MYO18B: variants seen among roughly 807,000 people sequenced by gnomAD.
The protein encoded by MYO18B is unconventional myosin-XVIIIb.
A neutral mutation model predicts 273.0 loss-of-function variants in MYO18B; 204 were observed. The ratio of observed to expected loss-of-function variants is 0.75; its 90% CI spans 0.67 to 0.84. The LOEUF (loss-of-function observed/expected upper bound fraction) is 0.84. Among genes scored for constraint, MYO18B ranks in the 40% least tolerant of loss-of-function variants. The pLI is 0.00. For missense variants in MYO18B, 3,212 were observed against 3,287.6 expected (o/e 0.98, Z 0.56); for synonymous variants, 1,330 against 1,305.7 (o/e 1.02, Z -0.40).
Position 25,930,678 on chromosome 22 carries a change from C to T in MYO18B, c.5517+9269C>T, listed in dbSNP as rs114699412. Among the ~76,000 whole-genome samples, 1,058 of 151,972 alleles carry T rather than the reference C, an allele frequency of 7.0e-3. 15 individuals carry two copies. Among genetic ancestry groups the T allele is most frequent in the African/African-American group, 0.024 (1,000 of 41,462 alleles). ...TGCTAGAGACAAAGTTTCTCTGTGT[C>T]GCCCAGGCTGGTCTTGAACTCCTGG... On this transcript the variant is annotated intron_variant, in intron 34 of 43. Transcript: ENST00000335473.
At chr22:25,839,476 T>C (rs1243899825) in intron 17 of MYO18B, among the ~76,000 whole-genome samples, 1 of 151,974 alleles carries the variant, frequency 6.6e-6, no homozygotes, top group Non-Finnish European at 1.5e-5. Flanking sequence ...GGAAGGAGAA[T>C]GAATGAGTGG....
chr22:26,039,903 C>T, the MYO18B span, among the ~76,000 whole-genome samples: 2 of 152,140 alleles, frequency 1.3e-5, no homozygotes, highest in South Asian at 2.1e-4. Context: ...CAACTCATTG[C>T]AGCCTCGACC....
intron 21 of MYO18B, among the ~76,000 whole-genome samples, chr22:25,863,778 T>G (rs558551594): frequency 1.9e-4 from 29 of 152,358 alleles, no homozygotes; most frequent in Admixed American, 1.7e-3. Flanking sequence ...AGTTTCTGCC[T>G]GTACACATGG....
chr22:25,772,797 G>A (rs1255008421), intron 7 of MYO18B, among the ~76,000 whole-genome samples: 1 of 152,238 alleles, frequency 6.6e-6, no homozygotes, highest in Non-Finnish European at 1.5e-5. Flanking sequence ...AGACACTGCT[G>A]TATGCACCTT....
chr22:25,956,444 G>C (rs1029031032), intron 39 of MYO18B, among the ~76,000 whole-genome samples: 1 of 152,066 alleles, frequency 6.6e-6, no homozygotes, highest in Admixed American at 6.6e-5. Flanking sequence ...TCAAACTCTT[G>C]AGCTCAGGCA....
intron 17 of MYO18B, among the ~76,000 whole-genome samples, chr22:25,837,230 GGTCACT>G (rs2089932920): frequency 6.6e-6 from 1 of 152,100 alleles, no homozygotes; most frequent in African/African-American, 2.4e-5. Flanking sequence ...CTCTGGTTGA[GGTCACT>G]GAGAGAATGA....
chr22:25,960,139 A>G (rs1401762360), intron 39 of MYO18B, among the ~76,000 whole-genome samples: 1 of 152,206 alleles, frequency 6.6e-6, no homozygotes, highest in Non-Finnish European at 1.5e-5. Flanking sequence ...TGCTTCCCAG[A>G]AAAAAGAAAA....
chr22:26,060,701 T>C, the MYO18B span, among the ~76,000 whole-genome samples: 3 of 151,960 alleles, frequency 2.0e-5, no homozygotes, highest in Non-Finnish European at 4.4e-5. Context: ...TGTACATACA[T>C]ACACACATGC....
intron 1 of MYO18B, among the ~76,000 whole-genome samples, chr22:25,749,818 T>C (rs1295807983): frequency 6.6e-6 from 1 of 152,100 alleles, no homozygotes; most frequent in Non-Finnish European, 1.5e-5. Context: ...TTGAGGAGTT[T>C]AGGAAAAAAA....
At chr22:25,866,032 G>A (rs1320737829) in intron 21 of MYO18B, among the ~76,000 whole-genome samples, 1 of 152,104 alleles carries the variant, frequency 6.6e-6, no homozygotes, top group Non-Finnish European at 1.5e-5. Context: ...GGAAGATGGA[G>A]CTTCCTTCCT....
intron 34 of MYO18B, among the ~76,000 whole-genome samples, chr22:25,942,019 A>G (rs900123397): frequency 6.6e-6 from 1 of 152,210 alleles, no homozygotes; most frequent in Admixed American, 6.5e-5. Context: ...CACAACGACA[A>G]TTGTTACCAT....
At chr22:25,993,879 C>T (rs1304717191) in intron 40 of MYO18B, among the ~76,000 whole-genome samples, 1 of 150,660 alleles carries the variant, frequency 6.6e-6, no homozygotes, top group Non-Finnish European at 1.5e-5. Context: ...CATTCTAACA[C>T]TGAGGAAAGG....
intron 1 of MYO18B, among the ~76,000 whole-genome samples, chr22:25,759,637 C>T (rs555136297): frequency 6.6e-6 from 1 of 152,128 alleles, no homozygotes; most frequent in South Asian, 2.1e-4. Flanking sequence ...CCTGCATGTT[C>T]TACACATATA....
intron 34 of MYO18B, among the ~76,000 whole-genome samples, chr22:25,940,632 TC>T (rs1555956449): frequency 6.6e-6 from 1 of 152,026 alleles, no homozygotes; most frequent in African/African-American, 2.4e-5. Flanking sequence ...ATGTTAAACA[TC>T]CCCCCGGTGG....
chr22:26,037,714 C>G, the MYO18B span, among the ~76,000 whole-genome samples: 1,418 of 152,318 alleles, frequency 9.3e-3, 18 homozygotes, highest in African/African-American at 0.032. Context: ...CCAGCCTGTT[C>G]TCCCTTCTCC....
At chr22:25,951,047 C>T (rs1209758886) in intron 37 of MYO18B, among the ~76,000 whole-genome samples, 1 of 152,136 alleles carries the variant, frequency 6.6e-6, no homozygotes. Context: ...GGCTAAGGCC[C>T]ATCTCTCTCC....
At chr22:25,889,124 C>T (rs530786697) in intron 25 of MYO18B, among the ~76,000 whole-genome samples, 1 of 151,640 alleles carries the variant, frequency 6.6e-6, no homozygotes, top group Non-Finnish European at 1.5e-5. Flanking sequence ...ACCAAACATT[C>T]TATTCTGGAA....
intron 2 of MYO18B, among the ~76,000 whole-genome samples, chr22:25,761,470 G>A (rs756295117): frequency 7.9e-5 from 12 of 152,196 alleles, no homozygotes; most frequent in Non-Finnish European, 1.8e-4. Context: ...TTGGGTGGGA[G>A]GAGGGGCACA....
At chr22:25,782,874 A>G (rs537044332) in intron 10 of MYO18B, among the ~76,000 whole-genome samples, 4 of 152,348 alleles carry the variant, frequency 2.6e-5, no homozygotes, top group South Asian at 2.1e-4. Context: ...AATCTGTAGA[A>G]GAACTTGGAG....
Sources: gnomAD v4.1 joint callset for allele counts (sites outside exome capture counted in the v4.1 genomes callset) on GRCh38, gnomAD v4.1.1 for gene constraint, MANE v1.5 for transcripts, NCBI Gene and HGNC (gene_info 2026-07-23, HGNC 2026-07-21) for gene names.